Variants in PRDM12 observed in about 807,000 individuals in gnomAD.
PRDM12 encodes PR domain zinc finger protein 12.
In PRDM12, 17 loss-of-function variants were observed where a neutral mutation model predicts 29.6. That is an observed-to-expected ratio of 0.57 (90% CI 0.39 to 0.86). The LOEUF (loss-of-function observed/expected upper bound fraction) is 0.86, where lower values mean the gene tolerates loss of function less well. PRDM12 is among the 40% of genes least tolerant of loss of function. The pLI is 0.00. For missense variants in PRDM12, 422 were observed against 510.8 expected (o/e 0.83, Z 1.68); for synonymous variants, 231 against 225.8 (o/e 1.02, Z -0.21).
chr9:130,679,330 CTTTTTTT>C (rs68186892), intron 4 of PRDM12, among the ~76,000 whole-genome samples: 1 of 116,540 alleles, frequency 8.6e-6, no homozygotes, highest in African/African-American at 3.4e-5. Flanking sequence ...TTCTTTCTTC[CTTTTTTT>C]TTTTTTTTTT....
At chr9:130,667,540 G>A (rs1439992662) in intron 2 of PRDM12, among the ~76,000 whole-genome samples, 1 of 113,188 alleles carries the variant, frequency 8.8e-6, no homozygotes, top group South Asian at 3.2e-4. Flanking sequence ...AGCTCCCCCC[G>A]GCGGACCCTG....
At position 130,682,870 on chromosome 9, in the gene PRDM12, T is replaced by C. The variant is rs555252837; in HGVS notation, c.*1201T>C. The C allele has an allele frequency of 2.0e-5, 3 of 152,812 alleles. No homozygotes were observed. In the South Asian group the frequency reaches 6.2e-4, roughly 32 times the overall value. The allele number at this position is 152,812 out of a possible 1,614,324, so 9.5% of individuals were successfully genotyped here. On this transcript the variant is annotated 3_prime_UTR_variant, in exon 5 of 5. Coordinates refer to ENST00000253008, the MANE Select transcript of PRDM12 (RefSeq NM_021619.3). The surrounding 1 kb of genome is among the most constrained non-coding windows in gnomAD (Gnocchi z 4.2). ...GTCACTTTAACCTTGTAAATATTTA[T>C]CTAAAATGATATTTACAAAACTGTA...
rs749407450 is a variant in PRDM12 at position 130,666,807 on chromosome 9, G to C, written c.414+9G>C. ...ACAACCTCATGTGGGAGGTACGCGC[G>C]GGCTGGGGCAGAGGGGCGCAAGGGC... On this transcript the variant is annotated intron_variant, in intron 2 of 4. Transcript: ENST00000253008. 1.3e-6 allele frequency: 2 copies of C among 1,593,340 alleles called. No homozygotes were observed. The highest frequency in any genetic ancestry group is 2.2e-5 in the South Asian group (2 of 89,294).
intron 2 of PRDM12, among the ~76,000 whole-genome samples, chr9:130,667,906 C>G (rs1049145360): frequency 1.3e-5 from 2 of 152,164 alleles, no homozygotes; most frequent in African/African-American, 4.8e-5. Flanking sequence ...AGGGAGGACA[C>G]GGCAACAGGA....
intron 3 of PRDM12, among the ~76,000 whole-genome samples, chr9:130,671,536 C>T (rs1564246209): frequency 6.6e-6 from 1 of 152,132 alleles, no homozygotes; most frequent in Admixed American, 6.5e-5. Context: ...AAAATGCCAC[C>T]CATTTTACTT....
chr9:130,679,505 G>C (rs994839113), intron 4 of PRDM12, among the ~76,000 whole-genome samples: 2 of 151,670 alleles, frequency 1.3e-5, no homozygotes, highest in African/African-American at 2.4e-5. Context: ...GCTAATCTTT[G>C]CATTTGTAGT....
intron 1 of PRDM12, 29 bp from the exon 2 acceptor site, chr9:130,666,579 G>A: frequency 6.3e-7 from 1 of 1,596,364 alleles, no homozygotes; most frequent in Non-Finnish European, 8.5e-7. Context: ...CTCGGGCTCT[G>A]ACCGGTTTTC....
In PRDM12 at chr9:130,668,375, G is replaced by A; in HGVS notation, c.570+62G>A. On this transcript the variant is annotated intron_variant, in intron 3 of 4. Transcript: ENST00000253008. This position sits in a 1 kb window ranked among gnomAD's most constrained non-coding sequence, Gnocchi z 4.0. ...GCCGGTAAACCCGGCGGGGGGAGGT[G>A]TGCAGGGCAGCGGTGTCCAGGAACC... The A allele has an allele frequency of 1.2e-6, 2 of 1,602,726 alleles. No individual in the cohort carries two copies. The highest frequency in any genetic ancestry group is 8.5e-7 in the Non-Finnish European group (1 of 1,171,970).
intron 2 of PRDM12, 74 bp downstream of exon 2, chr9:130,666,872 G>A (rs1830738803): frequency 6.7e-7 from 1 of 1,499,226 alleles, no homozygotes. Flanking sequence ...TCGGGCGTCC[G>A]GCCGTCGCCG....
intron 3 of PRDM12, among the ~76,000 whole-genome samples, chr9:130,675,216 T>A (rs1301737980): frequency 6.6e-6 from 1 of 152,254 alleles, no homozygotes; most frequent in African/African-American, 2.4e-5. Context: ...ATAGTTGTTT[T>A]CAATTAAAAT....
At position 130,682,777 on chromosome 9, in the gene PRDM12, TATA is replaced by T. The variant is rs1193983251; in HGVS notation, c.*1112_*1114del. Reference sequence around the variant, plus strand: ...CCGTAGGGCGTTTTGTAAAATAAACTATAATATTAATGAAAAGTATAAAATGTA... The same window carrying T: ...CCGTAGGGCGTTTTGTAAAATAAACTATATTAATGAAAAGTATAAAATGTA... On this transcript the variant is annotated 3_prime_UTR_variant, in exon 5 of 5. Coordinates refer to ENST00000253008, the MANE Select transcript of PRDM12 (RefSeq NM_021619.3). The surrounding 1 kb of genome is among the most constrained non-coding windows in gnomAD (Gnocchi z 4.2). 1 of 152,646 alleles carries T rather than the reference TATA, an allele frequency of 6.6e-6. No individual in the cohort carries two copies. Among genetic ancestry groups the T allele is most frequent in the Non-Finnish European group, 1.5e-5 (1 of 68,038 alleles). 9.5% of individuals were successfully genotyped at this position (152,646 alleles called of 1,614,324 possible). A position where few individuals can be genotyped will look rare whatever the true frequency, so the allele number is the denominator to read the frequency against.
chr9:130,666,033 A>G (rs2132588281), intron 1 of PRDM12, among the ~76,000 whole-genome samples: 1 of 152,282 alleles, frequency 6.6e-6, no homozygotes, highest in South Asian at 2.1e-4. Context: ...CCGGGGTCAC[A>G]CAGCGAGCGC....
At chr9:130,678,885 G>T (rs1480887542) in intron 4 of PRDM12, among the ~76,000 whole-genome samples, 4 of 152,146 alleles carry the variant, frequency 2.6e-5, no homozygotes, top group African/African-American at 4.8e-5. Flanking sequence ...ACTGTCTGGG[G>T]GGTATGTGGG....
At chr9:130,677,052 T>C (rs1454464250) in intron 3 of PRDM12, among the ~76,000 whole-genome samples, 2 of 152,178 alleles carry the variant, frequency 1.3e-5, no homozygotes, top group African/African-American at 2.4e-5. Context: ...GCCTCCCAAG[T>C]AGCTGGGACT....
chr9:130,681,817 A>C lies in PRDM12; in HGVS notation c.*148A>C. The C allele has an allele frequency of 1.4e-5, 10 of 706,378 alleles. No homozygotes were observed. The highest frequency in any genetic ancestry group is 1.9e-5 in the African/African-American group (1 of 51,534). 43.8% of individuals were successfully genotyped at this position (706,378 alleles called of 1,614,324 possible). A position where few individuals can be genotyped will look rare whatever the true frequency, so the allele number is the denominator to read the frequency against. On this transcript the variant is annotated 3_prime_UTR_variant, in exon 5 of 5. Coordinates refer to ENST00000253008, the MANE Select transcript of PRDM12 (RefSeq NM_021619.3). This position sits in a 1 kb window ranked among gnomAD's most constrained non-coding sequence, Gnocchi z 8.1. ...GGGTTGCGCCCCGGAGGCGGATCTC[A>C]GGCACCCCCGCCTTGGCCCGTGTCG... is the stretch of plus-strand genomic sequence containing the variant.
chr9:130,668,935 C>G lies in PRDM12; in HGVS notation c.570+622C>G, dbSNP rs1830760340. On this transcript the variant is annotated intron_variant, in intron 3 of 4. Transcript: ENST00000253008. The surrounding 1 kb of genome is among the most constrained non-coding windows in gnomAD (Gnocchi z 4.0). ...CCAGGTCTCCCTCGGTGGCAGCAGA[C>G]TTGGGGGTTTTGCCGGCCATCTGGG... Among the ~76,000 whole-genome samples the G allele has an allele frequency of 6.6e-6, 1 of 152,144 alleles. No individual in the cohort carries two copies. The highest frequency in any genetic ancestry group is 2.1e-4 in the South Asian group (1 of 4,814).
In PRDM12 at chr9:130,681,859, G is replaced by T; in HGVS notation, c.*190G>T. 6.8e-6 allele frequency: 3 copies of T among 439,164 alleles called. No individual in the cohort carries two copies. Among genetic ancestry groups the T allele is most frequent in the Non-Finnish European group, 9.1e-6 (3 of 330,620 alleles). 27.2% of individuals were successfully genotyped at this position (439,164 alleles called of 1,614,324 possible). ...CCCGTGTCGCAGATGAGGACACTGA[G>T]GGCGGCGTCCCTCACCCAGGCCACG... On this transcript the variant is annotated 3_prime_UTR_variant, in exon 5 of 5. Coordinates refer to ENST00000253008, the MANE Select transcript of PRDM12 (RefSeq NM_021619.3). The surrounding 1 kb of genome is among the most constrained non-coding windows in gnomAD (Gnocchi z 8.1).
At chr9:130,680,545 G>T (rs1024533957) in intron 4 of PRDM12, among the ~76,000 whole-genome samples, 19 of 147,680 alleles carry the variant, frequency 1.3e-4, no homozygotes, top group Admixed American at 1.1e-3. Context: ...AGAACCACTT[G>T]AACCCAGGAG....
At chr9:130,673,193 G>GC (rs201273785) in intron 3 of PRDM12, among the ~76,000 whole-genome samples, 4,158 of 152,322 alleles carry the variant, frequency 0.027, 109 homozygotes, top group South Asian at 0.099. Flanking sequence ...CAGCAGTAAA[G>GC]AGTGCTGCCG....
Sources: gnomAD v4.1 joint callset for allele counts (sites outside exome capture counted in the v4.1 genomes callset) on GRCh38, gnomAD v4.1.1 for gene constraint, Gnocchi (gnomAD v3.1) non-coding constraint, MANE v1.5 for transcripts, NCBI Gene and HGNC (gene_info 2026-07-23, HGNC 2026-07-21) for gene names.